Variants in CHST9 observed in about 807,000 individuals in gnomAD.
CHST9 encodes carbohydrate sulfotransferase 9.
CHST9 carries 41 observed loss-of-function variants against 44.4 expected under a neutral mutation model. The observed-to-expected ratio is 0.92, with a 90% CI of 0.72 to 1.20. The LOEUF (loss-of-function observed/expected upper bound fraction) is 1.20, where lower values mean the gene tolerates loss of function less well. Among genes scored for constraint, CHST9 ranks in the 50% most tolerant of loss-of-function variants. CHST9 has a pLI of 0.00. For synonymous variants in CHST9, 171 were observed against 178.4 expected (o/e 0.96, Z 0.33); for missense variants, 504 against 516.5 (o/e 0.98, Z 0.23).
chr18:27,166,381 C>T (rs1390635642), intron 1 of CHST9, among the ~76,000 whole-genome samples: 1 of 152,132 alleles, frequency 6.6e-6, no homozygotes, highest in Admixed American at 6.5e-5. Context: ...TCCAGCAAAA[C>T]TAAACTATTT....
chr18:27,040,356 C>CTATTAAA (rs2057431996), intron 3 of CHST9, among the ~76,000 whole-genome samples: 1 of 152,126 alleles, frequency 6.6e-6, no homozygotes, highest in African/African-American at 2.4e-5. Context: ...AATATGCTAG[C>CTATTAAA]TACACTCAAT....
intron 2 of CHST9, among the ~76,000 whole-genome samples, chr18:27,132,161 C>T (rs922370804): frequency 6.6e-6 from 1 of 152,150 alleles, no homozygotes; most frequent in African/African-American, 2.4e-5. Context: ...TTAGTTTTTT[C>T]AATTAACATC....
At chr18:27,062,949 C>A (rs555769511) in intron 2 of CHST9, among the ~76,000 whole-genome samples, 13 of 152,130 alleles carry the variant, frequency 8.5e-5, no homozygotes, top group Non-Finnish European at 1.3e-4. Flanking sequence ...CGGGAGCCAA[C>A]CACTCTTTGC....
chr18:27,113,082 G>A lies in CHST9; in HGVS notation c.121+29607C>T, dbSNP rs545169665. ...TGGGCACCTGTAGTCCCAGCTACTC[G>A]GGAGGCTGAGGCAGGAGAATGGCAT... On this transcript the variant is annotated intron_variant, in intron 2 of 5. Transcript: ENST00000618847. Among the ~76,000 whole-genome samples, 14 of 151,920 alleles carry A rather than the reference G, an allele frequency of 9.2e-5. 1 individual carries two copies. In the South Asian group the frequency reaches 2.1e-3, roughly 23 times the overall value.
At chr18:27,105,825 TA>T (rs78629350) in intron 2 of CHST9, among the ~76,000 whole-genome samples, 51,200 of 152,012 alleles carry the variant, frequency 0.34, 8,969 homozygotes, top group East Asian at 0.49. Flanking sequence ...TCTGTTTTTT[TA>T]AAATTTAAGG....
chr18:26,909,097 C>CATCCCTCACTTCATCATTTCA lies in CHST9; in HGVS notation c.*7161_*7162insTGAAATGATGAAGTGAGGGAT, dbSNP rs1442017046. ...TTTGGGCAGTGCCCAGTGCTGTCCCCGTCCCTCACTTCATCATTTCAGCTC... is the reference window on the plus strand; with the variant it reads ...TTTGGGCAGTGCCCAGTGCTGTCCCCATCCCTCACTTCATCATTTCAGTCCCTCACTTCATCATTTCAGCTC... On this transcript the variant is annotated 3_prime_UTR_variant, in exon 6 of 6. Coordinates refer to ENST00000618847, the MANE Select transcript of CHST9 (RefSeq NM_031422.6). The CATCCCTCACTTCATCATTTCA allele has an allele frequency of 6.6e-6, 1 of 152,306 alleles. No individual in the cohort carries two copies. The highest frequency in any genetic ancestry group is 1.9e-4 in the East Asian group (1 of 5,182). 9.4% of individuals were successfully genotyped at this position (152,306 alleles called of 1,614,324 possible).
intron 4 of CHST9, among the ~76,000 whole-genome samples, chr18:27,023,794 T>C (rs1006781572): frequency 2.6e-5 from 4 of 152,170 alleles, no homozygotes; most frequent in Admixed American, 6.5e-5. Flanking sequence ...TTAAGTACTT[T>C]TAAAATAAAA....
chr18:26,932,263 G>C (rs1340440029), intron 5 of CHST9, among the ~76,000 whole-genome samples: 1 of 152,124 alleles, frequency 6.6e-6, no homozygotes, highest in African/African-American at 2.4e-5. Context: ...CTCTCCTCAG[G>C]TAGCATAAAC....
intron 2 of CHST9, among the ~76,000 whole-genome samples, chr18:27,115,725 C>T (rs1400451971): frequency 6.6e-6 from 1 of 152,128 alleles, no homozygotes; most frequent in East Asian, 1.9e-4. Context: ...GTTACCTAGG[C>T]TGGTCTTGAA....
At chr18:26,927,755 C>T (rs147879303) in intron 5 of CHST9, among the ~76,000 whole-genome samples, 9,756 of 150,310 alleles carry the variant, frequency 0.065, 420 homozygotes, top group South Asian at 0.16. Context: ...AGACAGATGC[C>T]TTCCTCTTAT....
chr18:27,123,388 A>G (rs1363693472), intron 2 of CHST9, among the ~76,000 whole-genome samples: 1 of 152,142 alleles, frequency 6.6e-6, no homozygotes, highest in Non-Finnish European at 1.5e-5. Flanking sequence ...CCAACACACC[A>G]TCACCCTGGT....
At chr18:27,074,478 T>C (rs2057877595) in intron 2 of CHST9, among the ~76,000 whole-genome samples, 1 of 152,168 alleles carries the variant, frequency 6.6e-6, no homozygotes, top group South Asian at 2.1e-4. Context: ...TGTGTGTTTA[T>C]AGAGTTAAAT....
At chr18:26,996,504 G>C (rs147877222) in intron 4 of CHST9, among the ~76,000 whole-genome samples, 94 of 152,244 alleles carry the variant, frequency 6.2e-4, no homozygotes, top group African/African-American at 2.1e-3. Context: ...GAGAGGAAAG[G>C]CCTCTTCTTC....
intron 5 of CHST9, among the ~76,000 whole-genome samples, chr18:26,917,869 T>A (rs1353152052): frequency 1.5e-5 from 2 of 133,800 alleles, no homozygotes; most frequent in African/African-American, 5.6e-5. Flanking sequence ...CTTGCAAAAA[T>A]CATGTATTTT....
chr18:27,151,530 C>A (rs2058659409), intron 1 of CHST9, among the ~76,000 whole-genome samples: 1 of 152,134 alleles, frequency 6.6e-6, no homozygotes. Context: ...ATTGAGTTTG[C>A]AGACGGAATG....
chr18:27,142,813 T>G lies in CHST9; in HGVS notation c.-4A>C. 2 of 1,598,396 alleles carry G rather than the reference T, an allele frequency of 1.3e-6. No homozygotes were observed. Among genetic ancestry groups the G allele is most frequent in the Non-Finnish European group, 1.7e-6 (2 of 1,174,860 alleles). ...TGACCATTTCAGATGGCTGCATTTC[T>G]CCTTATTTCAGAATCTGAAGACCAC... On this transcript the variant is annotated 5_prime_UTR_variant, in exon 2 of 6. Coordinates refer to ENST00000618847, the MANE Select transcript of CHST9 (RefSeq NM_031422.6).
chr18:27,031,286 G>A (rs1198566331), intron 3 of CHST9, among the ~76,000 whole-genome samples: 1 of 152,160 alleles, frequency 6.6e-6, no homozygotes, highest in East Asian at 1.9e-4. Context: ...AATGAAACTT[G>A]TAATCCTGGT....
At chr18:27,115,140 C>T (rs542184957) in intron 2 of CHST9, among the ~76,000 whole-genome samples, 1 of 152,196 alleles carries the variant, frequency 6.6e-6, no homozygotes, top group South Asian at 2.1e-4. Context: ...TTGAGGCCTC[C>T]CTAGTAATGT....
intron 2 of CHST9, among the ~76,000 whole-genome samples, chr18:27,113,164 G>C (rs913552520): frequency 6.7e-6 from 1 of 148,276 alleles, no homozygotes; most frequent in Non-Finnish European, 1.5e-5. Flanking sequence ...ACTCCAGCCT[G>C]GGTGACAGAG....
Sources: allele counts gnomAD v4.1 joint callset (sites outside exome capture counted in the v4.1 genomes callset), GRCh38; gene constraint gnomAD v4.1.1; transcripts MANE v1.5; gene names NCBI Gene and HGNC (gene_info 2026-07-23, HGNC 2026-07-21).